Variants in ANO5 observed in about 807,000 individuals in gnomAD.
ANO5 encodes the protein anoctamin 5.
In ANO5, 109 loss-of-function variants were observed where a neutral mutation model predicts 121.0. The observed-to-expected ratio is 0.90, with a 90% confidence interval of 0.77 to 1.06. The LOEUF (loss-of-function observed/expected upper bound fraction) is 1.06, where lower values mean the gene tolerates loss of function less well. ANO5 is among the 50% of genes least tolerant of loss of function. The pLI, the probability that ANO5 is intolerant of heterozygous loss-of-function variation, is 0.00. For synonymous variants in ANO5, 406 were observed against 359.9 expected (o/e 1.13, Z -1.45); for missense variants, 1,064 against 1,078.5 (o/e 0.99, Z 0.19).
intron 3 of ANO5, among the ~76,000 whole-genome samples, chr11:22,214,296 G>GA (rs1464164219): frequency 6.6e-6 from 1 of 151,784 alleles, no homozygotes; most frequent in Non-Finnish European, 1.5e-5. Context: ...TTTCTGACTA[G>GA]ATGCTCCAAA....
At chr11:22,250,438 A>G in intron 10 of ANO5, 67 bp downstream of exon 10, 1 of 1,587,720 alleles carries the variant, frequency 6.3e-7, no homozygotes, top group Non-Finnish European at 8.6e-7. Flanking sequence ...AGTTGTTGTT[A>G]TTATTTCCCT....
chr11:22,230,467 T>A (rs527565667), intron 7 of ANO5, among the ~76,000 whole-genome samples: 2 of 152,184 alleles, frequency 1.3e-5, no homozygotes, highest in Non-Finnish European at 2.9e-5. Context: ...ATTTTATACA[T>A]TCTAAGTGTA....
rs544266188 is a variant in ANO5, at chr11:22,282,127, A to T, written c.*2362A>T. ...TAAGAGCACCCAACCACCACATGTA[A>T]GTTGATAATTACCAGCATGGCAGGT... is the stretch of plus-strand genomic sequence containing the variant. On this transcript the variant is annotated 3_prime_UTR_variant, in exon 22 of 22. Coordinates refer to ENST00000324559, the MANE Select transcript of ANO5 (RefSeq NM_213599.3). The T allele has an allele frequency of 6.6e-6, 1 of 152,244 alleles. No individual in the cohort carries two copies. Among genetic ancestry groups the T allele is most frequent in the East Asian group, 1.9e-4 (1 of 5,186 alleles). The allele number at this position is 152,244 out of a possible 1,614,324, so 9.4% of individuals were successfully genotyped here. A position where few individuals can be genotyped will look rare whatever the true frequency, so the allele number is the denominator to read the frequency against.
intron 18 of ANO5, 34 bp from the exon 19 acceptor site, chr11:22,272,750 A>G (rs1404903583): frequency 1.3e-6 from 2 of 1,590,708 alleles, no homozygotes; most frequent in Non-Finnish European, 1.7e-6. Flanking sequence ...CTCCTTCACA[A>G]TAATGAGTTC....
At chr11:22,237,144 G>A (rs926647340) in intron 8 of ANO5, among the ~76,000 whole-genome samples, 2 of 151,984 alleles carry the variant, frequency 1.3e-5, no homozygotes, top group Admixed American at 6.6e-5. Flanking sequence ...TGTTTCTTTT[G>A]TTACAGTTTT....
Position 22,279,605 on chromosome 11 carries a change from TTG to T in ANO5, c.2585_2586del (p.Val862GlyfsTer16). 6.2e-7 allele frequency: 1 copy of T among 1,613,044 alleles called. No individual in the cohort carries two copies. Among genetic ancestry groups the T allele is most frequent in the Non-Finnish European group, 8.5e-7 (1 of 1,179,214 alleles). ...ATGATACCTGATGTTCCAAAAGATG[TTG>T]TGGAGAGAATCAAGAGAGAAAAGTT... is the stretch of plus-strand genomic sequence containing the variant. On this transcript the variant is annotated frameshift_variant, in exon 22 of 22. Coordinates refer to ENST00000324559, the MANE Select transcript of ANO5 (RefSeq NM_213599.3). LOFTEE classifies it low-confidence loss of function (END_TRUNC).
intron 17 of ANO5, among the ~76,000 whole-genome samples, chr11:22,269,784 G>A (rs1258066370): frequency 6.6e-6 from 1 of 151,752 alleles, no homozygotes; most frequent in Non-Finnish European, 1.5e-5. Flanking sequence ...TTATTGATTT[G>A]CTAATTTTTC....
chr11:22,228,914 T>C (rs1056691954), intron 7 of ANO5, among the ~76,000 whole-genome samples: 1 of 151,986 alleles, frequency 6.6e-6, no homozygotes, highest in Non-Finnish European at 1.5e-5. Flanking sequence ...ACATCTTGGG[T>C]ATCGTGAATA....
At chr11:22,237,788 T>C (rs1376555746) in intron 8 of ANO5, among the ~76,000 whole-genome samples, 1 of 152,084 alleles carries the variant, frequency 6.6e-6, no homozygotes, top group Non-Finnish European at 1.5e-5. Context: ...GCCTCTTCTT[T>C]TTTTCAACAG....
rs190937193 is a variant in ANO5, at chr11:22,259,674, G to A, written c.1563G>A (p.Leu521=). 3 of 1,614,042 alleles carry A rather than the reference G, an allele frequency of 1.9e-6. No homozygotes were observed. Among genetic ancestry groups the A allele is most frequent in the African/African-American group, 1.3e-5 (1 of 75,038 alleles). The part of the protein sequence containing the change: ...QITTSLTGSC[L]NFIVILILNF... ...CCACATCACTCACAGGATCATGCTT[G>A]AACTTTATTGTCATCTTGATCTTGA... The change falls in exon 15 of 22, where the codon TTG becomes TTA. Residue 521 remains leucine, a synonymous_variant. Coordinates refer to ENST00000324559, the MANE Select transcript of ANO5 (RefSeq NM_213599.3).
At chr11:22,217,695 T>C (rs1215476804) in intron 3 of ANO5, among the ~76,000 whole-genome samples, 1 of 151,988 alleles carries the variant, frequency 6.6e-6, no homozygotes, top group Non-Finnish European at 1.5e-5. Context: ...AACCAAATAC[T>C]GCATGTTCTC....
intron 10 of ANO5, among the ~76,000 whole-genome samples, 180 bp downstream of exon 10, chr11:22,250,551 T>C (rs1487608476): frequency 2.0e-5 from 3 of 152,172 alleles, no homozygotes; most frequent in South Asian, 2.1e-4. Context: ...TTATGGAAAA[T>C]CTGTTTTTAA....
rs1176988988 is a variant in ANO5, at chr11:22,250,864, C to A, written c.1119+18C>A. ...CTTCAAAGGTATGTATGCATTGTAA[C>A]ATGTTGAAAAGACTTGGAATTTTCC... On this transcript the variant is annotated intron_variant, in intron 11 of 21. Transcript: ENST00000324559. 1 of 1,611,544 alleles carries A rather than the reference C, an allele frequency of 6.2e-7. No individual in the cohort carries two copies. Among genetic ancestry groups the A allele is most frequent in the Non-Finnish European group, 8.5e-7 (1 of 1,177,872 alleles).
Position 22,239,688 on chromosome 11 carries a change from A to C in ANO5, c.878+4A>C. 1 of 1,570,686 alleles carries C rather than the reference A, an allele frequency of 6.4e-7. No homozygotes were observed. The highest frequency in any genetic ancestry group is 8.8e-7 in the Non-Finnish European group (1 of 1,140,844). On this transcript the variant is annotated splice_donor_region_variant and intron_variant, in intron 9 of 21. Coordinates refer to ENST00000324559, the MANE Select transcript of ANO5 (RefSeq NM_213599.3). ...AGCAGCCTTTAGACTTGATTAAGTA[A>C]GTTTCATACACAGGATCAGACCAAT...
chr11:22,278,803 G>T (rs1224336641), intron 21 of ANO5, among the ~76,000 whole-genome samples: 5 of 151,260 alleles, frequency 3.3e-5, no homozygotes, highest in African/African-American at 1.2e-4. Flanking sequence ...ATATTTTGTG[G>T]CTACCTATTT....
In ANO5 at chr11:22,240,948, T is replaced by C. The variant is rs371043319; in HGVS notation, c.878+1264T>C. On this transcript the variant is annotated intron_variant, in intron 9 of 21. Coordinates refer to ENST00000324559, the MANE Select transcript of ANO5 (RefSeq NM_213599.3). Reference sequence around the variant, plus strand: ...TGATACTATTTAGTGGAACACAGAATGCCTTATTATAAATTTTTCATAATT... The same window carrying C: ...TGATACTATTTAGTGGAACACAGAACGCCTTATTATAAATTTTTCATAATT... 5.9e-5 allele frequency among the ~76,000 whole-genome samples: 9 copies of C among 152,152 alleles called. No individual in the cohort carries two copies. The East Asian group carries it at 1.5e-3, about 26-fold the overall frequency.
chr11:22,259,793 C>G (rs551892951), intron 15 of ANO5, 52 bp downstream of exon 15: 1 of 1,512,772 alleles, frequency 6.6e-7, no homozygotes, highest in Admixed American at 1.8e-5. Context: ...CTTATTGATG[C>G]TATATGTCTA....
At position 22,236,167 on chromosome 11, in the gene ANO5, A is replaced by G. The variant is rs548449293; in HGVS notation, c.653A>G (p.Tyr218Cys). ...FPSSSRNRIVYYILSRCPFGI... is the reference protein window; with the variant it reads ...FPSSSRNRIVCYILSRCPFGI... ...CTCTTTGCACTTACCTTGTAGGTGT[A>G]CTATATTCTCTCAAGATGTCCTTTT... Residue 218 changes from tyrosine (Y) to cysteine (C), a missense_variant, in exon 8 of 22, where the codon TAC (tyrosine) becomes TGC (cysteine). Coordinates refer to ENST00000324559, the MANE Select transcript of ANO5 (RefSeq NM_213599.3). 18 of 1,604,212 alleles carry G rather than the reference A, an allele frequency of 1.1e-5. No homozygotes were observed. In the Admixed American group the frequency reaches 3.0e-4, roughly 27 times the overall value.
chr11:22,223,788 A>G (rs1260031375), intron 5 of ANO5, among the ~76,000 whole-genome samples: 4 of 152,188 alleles, frequency 2.6e-5, no homozygotes, highest in Non-Finnish European at 2.9e-5. Context: ...ATTTTCTTCC[A>G]TGAATAACTA....
Sources: allele counts gnomAD v4.1 joint callset (sites outside exome capture counted in the v4.1 genomes callset), GRCh38; gene constraint gnomAD v4.1.1; transcripts MANE v1.5; gene names NCBI Gene and HGNC (gene_info 2026-07-23, HGNC 2026-07-21).